HNRNPC: variants seen among roughly 807,000 people sequenced by gnomAD.
HNRNPC encodes the protein heterogeneous nuclear ribonucleoprotein C.
Under a neutral mutation model 33.2 loss-of-function variants are expected in HNRNPC, and 3 were observed. The observed-to-expected ratio is 0.09, with a 90% CI of 0.04 to 0.23. The LOEUF (loss-of-function observed/expected upper bound fraction) is 0.23, where lower values mean the gene tolerates loss of function less well. HNRNPC is among the 10% of genes least tolerant of loss of function. The pLI is 1.00. For missense variants in HNRNPC, 143 were observed against 366.7 expected, an observed-to-expected ratio of 0.39 and a Z score of 4.98; for synonymous variants, 121 against 126.7, an observed-to-expected ratio of 0.96 and a Z score of 0.30.
chr14:21,259,462 T>C (rs139323308), intron 2 of HNRNPC, among the ~76,000 whole-genome samples: 44 of 152,350 alleles, frequency 2.9e-4, no homozygotes, highest in African/African-American at 9.1e-4. Context: ...AGTACTCAGA[T>C]ACTTAATAAA....
rs1028384927 is a variant in HNRNPC at position 21,249,673 on chromosome 14, T to C, written c.-37+13638A>G. 2.7e-5 allele frequency among the ~76,000 whole-genome samples: 4 copies of C among 150,300 alleles called. No homozygotes were observed. In the Admixed American group the frequency reaches 2.7e-4, roughly 10 times the overall value. The stretch of plus-strand genomic sequence containing the variant: ...GAACATTGTATTACATATTTTGGGG[T>C]CTATTAGCCATTGGAAGTCCCAAAT... On this transcript the variant is annotated intron_variant, in intron 2 of 8. Transcript: ENST00000553300.
chr14:21,245,452 G>A (rs533843851), intron 2 of HNRNPC, among the ~76,000 whole-genome samples: 170 of 150,752 alleles, frequency 1.1e-3, no homozygotes, highest in African/African-American at 3.8e-3. Context: ...GGCTGAGATC[G>A]CACCACTGCA....
chr14:21,215,831 A>C (rs1312104752), intron 5 of HNRNPC, among the ~76,000 whole-genome samples: 2 of 149,620 alleles, frequency 1.3e-5, no homozygotes, highest in Non-Finnish European at 3.0e-5. Flanking sequence ...TCTGGAAGGC[A>C]GAGGTTGCAG....
At chr14:21,246,483 G>A (rs1446123894) in intron 2 of HNRNPC, among the ~76,000 whole-genome samples, 4 of 151,346 alleles carry the variant, frequency 2.6e-5, no homozygotes, top group Non-Finnish European at 4.4e-5. Flanking sequence ...GGAAAATGGC[G>A]TGAACCCGGG....
intron 2 of HNRNPC, among the ~76,000 whole-genome samples, chr14:21,260,236 A>T (rs1248083039): frequency 1.3e-5 from 2 of 149,824 alleles, no homozygotes; most frequent in Non-Finnish European, 3.0e-5. Context: ...GCATAGTAGC[A>T]GGTGCCTGTA....
intron 2 of HNRNPC, among the ~76,000 whole-genome samples, chr14:21,247,689 C>T (rs1367171306): frequency 6.6e-6 from 1 of 152,026 alleles, no homozygotes; most frequent in East Asian, 1.9e-4. Flanking sequence ...GTGGCTCACA[C>T]CTGTAATCCC....
At chr14:21,268,779 G>A (rs928863336) in intron 1 of HNRNPC, 3 of 152,178 alleles carry the variant, frequency 2.0e-5, no homozygotes, top group Non-Finnish European at 2.9e-5. Flanking sequence ...CTCATAGAGA[G>A]AAATAAAATA....
chr14:21,215,285 GAAA>G (rs559565278), intron 5 of HNRNPC, among the ~76,000 whole-genome samples: 3 of 151,744 alleles, frequency 2.0e-5, no homozygotes, highest in Admixed American at 6.6e-5. Flanking sequence ...TGTGAAAATA[GAAA>G]AAAAACATAC....
intron 6 of HNRNPC, among the ~76,000 whole-genome samples, chr14:21,212,208 G>GC (rs1891687656): frequency 6.6e-6 from 1 of 151,996 alleles, no homozygotes; most frequent in Non-Finnish European, 1.5e-5. Flanking sequence ...TAAACTCCTG[G>GC]CCTCATGAAA....
intron 5 of HNRNPC, among the ~76,000 whole-genome samples, chr14:21,230,022 T>G (rs141841287): frequency 6.6e-6 from 1 of 152,208 alleles, no homozygotes; most frequent in African/African-American, 2.4e-5. Flanking sequence ...CAGTTCTAAA[T>G]CTGTTACCCA....
At chr14:21,212,828 C>T in intron 6 of HNRNPC, 132 bp downstream of exon 6, 5 of 1,166,912 alleles carry the variant, frequency 4.3e-6, no homozygotes, top group Non-Finnish European at 6.3e-6. Context: ...CAGGCATGAG[C>T]CACCACACAC....
chr14:21,237,877 T>C (rs1030307881), intron 2 of HNRNPC, among the ~76,000 whole-genome samples: 1 of 152,210 alleles, frequency 6.6e-6, no homozygotes, highest in Non-Finnish European at 1.5e-5. Context: ...TTCCAAGTGA[T>C]TCTCCTGCCT....
intron 5 of HNRNPC, 37 bp from the exon 6 acceptor site, chr14:21,213,154 T>C (rs200823486): frequency 1.3e-6 from 2 of 1,597,826 alleles, no homozygotes; most frequent in East Asian, 2.2e-5. Flanking sequence ...CATTCAAACC[T>C]AACATTAACT....
At chr14:21,233,188 A>C (rs1445005913) in intron 3 of HNRNPC, among the ~76,000 whole-genome samples, 2 of 152,202 alleles carry the variant, frequency 1.3e-5, no homozygotes, top group Non-Finnish European at 2.9e-5. Context: ...TTTCTGAAAA[A>C]GCAATCCAGT....
chr14:21,242,764 G>A (rs1006898607), intron 2 of HNRNPC, among the ~76,000 whole-genome samples: 46 of 152,122 alleles, frequency 3.0e-4, no homozygotes, highest in African/African-American at 1.1e-3. Flanking sequence ...ACTTAAACAC[G>A]CATTATCACC....
chr14:21,247,209 C>T (rs548754455), intron 2 of HNRNPC, among the ~76,000 whole-genome samples: 1 of 152,284 alleles, frequency 6.6e-6, no homozygotes, highest in East Asian at 1.9e-4. Flanking sequence ...TCATTAAGTA[C>T]AGGGCTTAGC....
intron 5 of HNRNPC, among the ~76,000 whole-genome samples, chr14:21,214,133 T>G (rs183440593): frequency 5.9e-5 from 9 of 151,974 alleles, no homozygotes; most frequent in Admixed American, 5.3e-4. Context: ...TGCAAGCTTT[T>G]TAAAAATGCA....
At chr14:21,213,139 G>A in intron 5 of HNRNPC, 22 bp from the exon 6 acceptor site, 1 of 1,611,046 alleles carries the variant, frequency 6.2e-7, no homozygotes, top group Non-Finnish European at 8.5e-7. Context: ...GAGGAAAATG[G>A]AATTCATTCA....
intron 1 of HNRNPC, among the ~76,000 whole-genome samples, chr14:21,267,679 A>G (rs1186671289): frequency 6.6e-6 from 1 of 152,216 alleles, no homozygotes; most frequent in African/African-American, 2.4e-5. Context: ...ATACCGTGGC[A>G]AACAGTTTCG....
Sources: allele counts gnomAD v4.1 joint callset (sites outside exome capture counted in the v4.1 genomes callset), GRCh38; gene constraint gnomAD v4.1.1; transcripts MANE v1.5; gene names NCBI Gene and HGNC (gene_info 2026-07-23, HGNC 2026-07-21).